Variants in SLC35F1 observed in about 807,000 individuals in gnomAD.
The protein encoded by SLC35F1 is chromosome 6 open reading frame 169.
A neutral mutation model predicts 48.7 loss-of-function variants in SLC35F1; 14 were observed. That is an observed-to-expected ratio of 0.29 (90% confidence interval 0.19 to 0.45). The LOEUF is 0.45. Among genes scored for constraint, SLC35F1 ranks in the 20% least tolerant of loss-of-function variants. The probability of loss-of-function intolerance (pLI) is 1.00; values close to 1 mark genes in which losing one functional copy is unlikely to be tolerated. For missense variants in SLC35F1, 404 were observed against 500.0 expected, an observed-to-expected ratio of 0.81 and a Z score of 1.83; for synonymous variants, 190 against 202.2, an observed-to-expected ratio of 0.94 and a Z score of 0.51.
At chr6:118,223,493 G>A (rs181594351) in intron 2 of SLC35F1, among the ~76,000 whole-genome samples, 180 of 152,290 alleles carry the variant, frequency 1.2e-3, no homozygotes, top group Admixed American at 3.3e-3. Flanking sequence ...ACTTTAACAG[G>A]TCTCTCTGGC....
intron 1 of SLC35F1, among the ~76,000 whole-genome samples, chr6:118,070,389 T>A (rs1042437517): frequency 6.6e-6 from 1 of 152,094 alleles, no homozygotes; most frequent in Non-Finnish European, 1.5e-5. Flanking sequence ...AGCACATAAA[T>A]CTTCTGTCAA....
chr6:118,263,289 CAAG>C (rs1323034797), intron 3 of SLC35F1, among the ~76,000 whole-genome samples: 1 of 152,130 alleles, frequency 6.6e-6, no homozygotes, highest in African/African-American at 2.4e-5. Flanking sequence ...CTCCTGACCT[CAAG>C]TGATCCTCCC....
At chr6:118,027,774 G>C (rs1321875004) in intron 1 of SLC35F1, among the ~76,000 whole-genome samples, 1 of 151,870 alleles carries the variant, frequency 6.6e-6, no homozygotes, top group African/African-American at 2.4e-5. Flanking sequence ...TTTATTTATG[G>C]TGTATTTCAA....
intron 1 of SLC35F1, among the ~76,000 whole-genome samples, chr6:118,098,471 T>G (rs1773210107): frequency 6.6e-6 from 1 of 152,178 alleles, no homozygotes; most frequent in Non-Finnish European, 1.5e-5. Context: ...TCTCATGCAT[T>G]GTGTACTGGG....
chr6:118,256,205 GGT>G (rs71554895), intron 3 of SLC35F1, among the ~76,000 whole-genome samples: 22,691 of 141,960 alleles, frequency 0.16, 1,948 homozygotes, highest in East Asian at 0.35. Context: ...GAAGACTTCT[GGT>G]GTGTGTGTGT....
chr6:118,178,996 A>G (rs577191953), intron 2 of SLC35F1, among the ~76,000 whole-genome samples: 1 of 152,258 alleles, frequency 6.6e-6, no homozygotes, highest in Non-Finnish European at 1.5e-5. Flanking sequence ...TAATTGATTC[A>G]TCTTCTAGAT....
chr6:118,200,545 C>T (rs1303371621), intron 2 of SLC35F1, among the ~76,000 whole-genome samples: 2 of 152,040 alleles, frequency 1.3e-5, no homozygotes, highest in Non-Finnish European at 2.9e-5. Flanking sequence ...TAATAAAAGC[C>T]GTAACTCAAG....
intron 4 of SLC35F1, among the ~76,000 whole-genome samples, chr6:118,272,205 A>G (rs182627876): frequency 4.3e-4 from 66 of 152,286 alleles, no homozygotes; most frequent in African/African-American, 1.5e-3. Context: ...TTCAACCATG[A>G]TTTGTAAGAG....
intron 6 of SLC35F1, among the ~76,000 whole-genome samples, chr6:118,278,135 C>A (rs1380159682): frequency 6.6e-6 from 1 of 152,206 alleles, no homozygotes; most frequent in Non-Finnish European, 1.5e-5. Flanking sequence ...TCTAAAACCA[C>A]TTTCCTCAAA....
chr6:117,926,921 T>G (rs567823262), intron 1 of SLC35F1, among the ~76,000 whole-genome samples: 14 of 152,268 alleles, frequency 9.2e-5, no homozygotes, highest in Non-Finnish European at 1.9e-4. Context: ...TACTCTAAAG[T>G]TACATTCTAA....
At chr6:118,272,535 A>G (rs1030186848) in intron 4 of SLC35F1, among the ~76,000 whole-genome samples, 2 of 152,120 alleles carry the variant, frequency 1.3e-5, no homozygotes, top group Non-Finnish European at 2.9e-5. Flanking sequence ...TTAATATTTT[A>G]TATGTTATTA....
intron 1 of SLC35F1, among the ~76,000 whole-genome samples, chr6:118,093,227 A>G (rs1179350061): frequency 6.6e-6 from 1 of 152,104 alleles, no homozygotes; most frequent in Non-Finnish European, 1.5e-5. Flanking sequence ...GAGGTAGTAG[A>G]ATGGCATGAA....
chr6:118,008,749 C>T lies in SLC35F1; in HGVS notation c.173+100850C>T, dbSNP rs1451725415. On this transcript the variant is annotated intron_variant, in intron 1 of 7. Transcript: ENST00000360388. Reference sequence around the variant, plus strand: ...GACCTAAGCAGATGGTCAGTGACAACTGCAGATGGCAACAGCCTCTGTTTA... The same window carrying T: ...GACCTAAGCAGATGGTCAGTGACAATTGCAGATGGCAACAGCCTCTGTTTA... Among the ~76,000 whole-genome samples, 3 of 152,204 alleles carry T rather than the reference C, an allele frequency of 2.0e-5. No homozygotes were observed. In the East Asian group the frequency reaches 5.8e-4, roughly 29 times the overall value.
intron 1 of SLC35F1, among the ~76,000 whole-genome samples, chr6:118,126,384 G>T (rs887724585): frequency 6.6e-6 from 1 of 152,080 alleles, no homozygotes; most frequent in Non-Finnish European, 1.5e-5. Flanking sequence ...CTTACTGTAG[G>T]CTTGTAGTAT....
intron 1 of SLC35F1, among the ~76,000 whole-genome samples, chr6:118,115,899 A>T (rs1318661296): frequency 6.6e-6 from 1 of 152,240 alleles, no homozygotes; most frequent in Non-Finnish European, 1.5e-5. Flanking sequence ...AATGTTAAAA[A>T]GTTAATATAG....
Position 117,935,364 on chromosome 6 carries a change from T to G in SLC35F1, c.173+27465T>G, listed in dbSNP as rs186630878. 2.8e-4 allele frequency among the ~76,000 whole-genome samples: 43 copies of G among 152,344 alleles called. 1 individual carries two copies. In the East Asian group the frequency reaches 6.0e-3, roughly 21 times the overall value. The stretch of plus-strand genomic sequence containing the variant: ...AAATACTGAATTCATGAATATAGAA[T>G]CATTACTCCTAGGGGAAATACAGGG... On this transcript the variant is annotated intron_variant, in intron 1 of 7. Transcript: ENST00000360388.
At chr6:118,002,774 C>T (rs955647841) in intron 1 of SLC35F1, among the ~76,000 whole-genome samples, 1 of 151,084 alleles carries the variant, frequency 6.6e-6, no homozygotes, top group African/African-American at 2.4e-5. Flanking sequence ...GAATTTCTAA[C>T]CTGTCTGGAA....
chr6:118,196,672 C>T (rs532124862), intron 2 of SLC35F1, among the ~76,000 whole-genome samples: 5 of 152,018 alleles, frequency 3.3e-5, no homozygotes, highest in East Asian at 1.9e-4. Context: ...GCCAAAATTG[C>T]GCCACTGCAC....
intron 3 of SLC35F1, among the ~76,000 whole-genome samples, chr6:118,246,094 A>G (rs185467830): frequency 3.0e-4 from 45 of 152,256 alleles, no homozygotes; most frequent in Non-Finnish European, 5.1e-4. Flanking sequence ...TTCAGCCTCT[A>G]GAGAGAAGAG....
Sources: gnomAD v4.1 joint callset for allele counts (sites outside exome capture counted in the v4.1 genomes callset) on GRCh38, gnomAD v4.1.1 for gene constraint, MANE v1.5 for transcripts, NCBI Gene and HGNC (gene_info 2026-07-23, HGNC 2026-07-21) for gene names.